Variants in RETREG1 observed in about 807,000 individuals in gnomAD.
The protein encoded by RETREG1 is family with sequence similarity 134 member B.
In RETREG1, 44 loss-of-function variants were observed where a neutral mutation model predicts 54.8. The ratio of observed to expected loss-of-function variants is 0.80; its 90% CI spans 0.63 to 1.03. The LOEUF is 1.03. RETREG1 is among the 50% of genes least tolerant of loss of function. RETREG1 has a pLI of 0.00. For missense variants in RETREG1, 554 were observed against 605.1 expected (o/e 0.92, Z 0.89); for synonymous variants, 217 against 238.5 (o/e 0.91, Z 0.83).
At chr5:16,606,566 C>A (rs992881584) in intron 1 of RETREG1, among the ~76,000 whole-genome samples, 3 of 152,178 alleles carry the variant, frequency 2.0e-5, no homozygotes, top group African/African-American at 7.2e-5. Flanking sequence ...CCTGCCGCAA[C>A]CTCAGCCACC....
At position 16,597,645 on chromosome 5, in the gene RETREG1, G is replaced by A. The variant is rs544482304; in HGVS notation, c.320+19007C>T. Among the ~76,000 whole-genome samples the A allele has an allele frequency of 1.3e-5, 2 of 152,180 alleles. No individual in the cohort carries two copies. Among genetic ancestry groups the A allele is most frequent in the Non-Finnish European group, 2.9e-5 (2 of 68,022 alleles). On this transcript the variant is annotated intron_variant, in intron 1 of 8. Transcript: ENST00000306320. This position sits in a 1 kb window ranked among gnomAD's most constrained non-coding sequence, Gnocchi z 4.3. Reference sequence around the variant, plus strand: ...CCTTGGTCCTCCCCCACCCACAAGAGTGACCCCACCAGTGGCTTCCTATAG... The same window carrying A: ...CCTTGGTCCTCCCCCACCCACAAGAATGACCCCACCAGTGGCTTCCTATAG...
At chr5:16,476,748 T>C (rs1015470203) in intron 8 of RETREG1, among the ~76,000 whole-genome samples, 1 of 147,266 alleles carries the variant, frequency 6.8e-6, no homozygotes, top group Admixed American at 6.9e-5. Context: ...CACTGGGGCC[T>C]GTCAATAGGG....
rs1382653001 is a variant in RETREG1 at position 16,616,989 on chromosome 5, G to A, written c.-18C>T. The A allele has an allele frequency of 1.3e-5, 17 of 1,357,730 alleles. No homozygotes were observed. In the Admixed American group the frequency reaches 3.1e-4, roughly 25 times the overall value. 84.1% of individuals were successfully genotyped at this position (1,357,730 alleles called of 1,614,324 possible). A position where few individuals can be genotyped will look rare whatever the true frequency, so the allele number is the denominator to read the frequency against. ...CTCGCCATCTTCAGCTGTGCTTCCA[G>A]ACAGGGACGGGGCCGGGCGCGCGCG... On this transcript the variant is annotated 5_prime_UTR_variant, in exon 1 of 9. Transcript: ENST00000306320.
intron 3 of RETREG1, among the ~76,000 whole-genome samples, chr5:16,523,942 C>T (rs1740618050): frequency 1.3e-5 from 2 of 152,098 alleles, no homozygotes; most frequent in Non-Finnish European, 2.9e-5. Context: ...ATTCCTCCTC[C>T]AACCCCAGGC....
chr5:16,481,787 A>G (rs1738785128), intron 4 of RETREG1, among the ~76,000 whole-genome samples: 1 of 152,116 alleles, frequency 6.6e-6, no homozygotes, highest in Non-Finnish European at 1.5e-5. Flanking sequence ...GTTTTAAGAA[A>G]TTTAAAAACA....
chr5:16,552,682 T>C (rs1484945065), intron 3 of RETREG1, among the ~76,000 whole-genome samples: 1 of 152,180 alleles, frequency 6.6e-6, no homozygotes, highest in African/African-American at 2.4e-5. Flanking sequence ...TCCCTGTTAA[T>C]TTTTTTCACT....
At chr5:16,512,346 C>G (rs1034707980) in intron 3 of RETREG1, among the ~76,000 whole-genome samples, 5 of 152,106 alleles carry the variant, frequency 3.3e-5, no homozygotes, top group African/African-American at 1.2e-4. Flanking sequence ...TCCAGCAGAG[C>G]CTACACATGC....
intron 3 of RETREG1, among the ~76,000 whole-genome samples, chr5:16,564,149 A>G (rs76711271): frequency 0.031 from 4,743 of 152,264 alleles, 224 homozygotes; most frequent in African/African-American, 0.1. Context: ...TTTGCTTTTC[A>G]TTCTCTTCTT....
chr5:16,512,309 C>T (rs1740202933), intron 3 of RETREG1, among the ~76,000 whole-genome samples: 1 of 152,212 alleles, frequency 6.6e-6, no homozygotes, highest in African/African-American at 2.4e-5. Context: ...CTCCAGGTCA[C>T]TATGCCTTGG....
At chr5:16,606,037 C>A (rs1216605238) in intron 1 of RETREG1, among the ~76,000 whole-genome samples, 1 of 152,108 alleles carries the variant, frequency 6.6e-6, no homozygotes, top group African/African-American at 2.4e-5. Context: ...GCCTGAGAAC[C>A]AAAACACAGA....
At chr5:16,616,479 A>T in intron 1 of RETREG1, 173 bp downstream of exon 1, 1 of 1,145,498 alleles carries the variant, frequency 8.7e-7, no homozygotes, top group Admixed American at 3.1e-5. Context: ...GTCCGGAGGA[A>T]AGTTGCGGTG....
chr5:16,592,080 G>A (rs940376144), intron 1 of RETREG1, among the ~76,000 whole-genome samples: 1 of 152,024 alleles, frequency 6.6e-6, no homozygotes, highest in Non-Finnish European at 1.5e-5. Flanking sequence ...TGAATACAGA[G>A]GTAAAATAAT....
At position 16,566,209 on chromosome 5, in the gene RETREG1, C is replaced by T. The variant is rs563282201; in HGVS notation, c.428-416G>A. ...AGAGAAAATGCAGCTGCTCAAAAAG[C>T]GCCAATAATAGAAATGGCATTTAAG... On this transcript the variant is annotated intron_variant, in intron 2 of 8. Coordinates refer to ENST00000306320, the MANE Select transcript of RETREG1 (RefSeq NM_001034850.3). Among the ~76,000 whole-genome samples, 908 of 152,202 alleles carry T rather than the reference C, an allele frequency of 6.0e-3. 6 individuals carry two copies. Among genetic ancestry groups the T allele is most frequent in the African/African-American group, 0.021 (862 of 41,524 alleles).
At position 16,556,663 on chromosome 5, in the gene RETREG1, GC is replaced by G. The variant is rs531127705; in HGVS notation, c.458+9099del. ...GATAAGTTACCTAATGTCCACTGCT[GC>G]CAGACCCACCTAAAATCCTGGATCC... is the stretch of plus-strand genomic sequence containing the variant. On this transcript the variant is annotated intron_variant, in intron 3 of 8. Transcript: ENST00000306320. Among the ~76,000 whole-genome samples, 892 of 152,194 alleles carry G rather than the reference GC, an allele frequency of 5.9e-3. 6 individuals are homozygous for G. The highest frequency in any genetic ancestry group is 0.02 in the African/African-American group (850 of 41,520).
chr5:16,554,271 G>A (rs1050443506), intron 3 of RETREG1, among the ~76,000 whole-genome samples: 6 of 152,196 alleles, frequency 3.9e-5, no homozygotes, highest in Admixed American at 1.3e-4. Flanking sequence ...GAACCTCTCC[G>A]TTGAGCCTCG....
At chr5:16,570,357 G>A (rs1044457043) in intron 2 of RETREG1, among the ~76,000 whole-genome samples, 4 of 152,228 alleles carry the variant, frequency 2.6e-5, no homozygotes, top group African/African-American at 9.6e-5. Flanking sequence ...ATCTGTGTGT[G>A]AGGGGCCAGG....
chr5:16,513,059 T>C (rs1740231670), intron 3 of RETREG1, among the ~76,000 whole-genome samples: 1 of 152,168 alleles, frequency 6.6e-6, no homozygotes, highest in Admixed American at 6.5e-5. Context: ...TGAGTATATT[T>C]GAGCACTTTG....
intron 1 of RETREG1, among the ~76,000 whole-genome samples, chr5:16,583,523 C>T (rs1380339651): frequency 6.6e-6 from 1 of 151,768 alleles, no homozygotes; most frequent in Non-Finnish European, 1.5e-5. Context: ...ATATAATATA[C>T]ATATGTATAA....
At chr5:16,592,727 A>G (rs924755994) in intron 1 of RETREG1, among the ~76,000 whole-genome samples, 1 of 145,670 alleles carries the variant, frequency 6.9e-6, no homozygotes, top group East Asian at 2.0e-4. Context: ...TAAAAAAAAA[A>G]ATCATGTCCG....
Sources: gnomAD v4.1 joint callset for allele counts (sites outside exome capture counted in the v4.1 genomes callset) on GRCh38, gnomAD v4.1.1 for gene constraint, Gnocchi (gnomAD v3.1) non-coding constraint, MANE v1.5 for transcripts, NCBI Gene and HGNC (gene_info 2026-07-23, HGNC 2026-07-21) for gene names.